The following KCNB2 variants were observed in gnomAD, a reference collection of about 807,000 sequenced individuals.
KCNB2 encodes delayed rectifier potassium channel protein.
In KCNB2, 15 loss-of-function variants were observed where a neutral mutation model predicts 61.5. The observed-to-expected ratio is 0.24, with a 90% CI of 0.16 to 0.38. KCNB2 has a LOEUF of 0.38. KCNB2 is among the 10% of genes least tolerant of loss of function. KCNB2 has a pLI of 1.00. For synonymous variants in KCNB2, 457 were observed against 446.0 expected, an observed-to-expected ratio of 1.02 and a Z score of -0.31; for missense variants, 828 against 1,125.2, an observed-to-expected ratio of 0.74 and a Z score of 3.78.
At chr8:72,896,426 T>C (rs954914063) in intron 2 of KCNB2, among the ~76,000 whole-genome samples, 4 of 152,148 alleles carry the variant, frequency 2.6e-5, no homozygotes, top group Admixed American at 2.6e-4. Flanking sequence ...CTAAATGATA[T>C]TTCATGAATT....
intron 2 of KCNB2, among the ~76,000 whole-genome samples, chr8:72,821,600 C>G (rs942938533): frequency 6.1e-5 from 8 of 131,374 alleles, no homozygotes; most frequent in African/African-American, 2.3e-4. Flanking sequence ...TTCTGGTATA[C>G]TCATTCAAAG....
chr8:72,674,446 A>G (rs2245973), intron 2 of KCNB2, among the ~76,000 whole-genome samples: 41,271 of 152,182 alleles, frequency 0.27, 10,015 homozygotes, highest in African/African-American at 0.65. Flanking sequence ...GGCATTTCCC[A>G]TTTGCAGCTT....
intron 2 of KCNB2, among the ~76,000 whole-genome samples, chr8:72,649,729 C>G (rs931989429): frequency 1.3e-5 from 2 of 152,180 alleles, no homozygotes; most frequent in African/African-American, 2.4e-5. Flanking sequence ...CTGTCATAGA[C>G]TAGCTCCCTT....
chr8:72,542,941 A>G (rs1806210471), intron 1 of KCNB2, among the ~76,000 whole-genome samples: 1 of 152,356 alleles, frequency 6.6e-6, no homozygotes, highest in Admixed American at 6.5e-5. Context: ...TTGTAGAGAA[A>G]TAAATCACAA....
chr8:72,754,958 C>T (rs1808263483), intron 2 of KCNB2, among the ~76,000 whole-genome samples: 1 of 152,084 alleles, frequency 6.6e-6, no homozygotes, highest in Non-Finnish European at 1.5e-5. Context: ...AATGGAGAAG[C>T]CTGACACACA....
At chr8:72,915,576 T>G (rs564534399) in intron 2 of KCNB2, among the ~76,000 whole-genome samples, 34 of 152,182 alleles carry the variant, frequency 2.2e-4, no homozygotes, top group African/African-American at 7.7e-4. Context: ...GGGGAAAACT[T>G]TAATTTCCAA....
chr8:72,668,686 C>A (rs183160504), intron 2 of KCNB2, among the ~76,000 whole-genome samples: 8 of 152,230 alleles, frequency 5.3e-5, no homozygotes, highest in Admixed American at 2.0e-4. Flanking sequence ...GGTCCATTCC[C>A]TTTATTATTT....
intron 2 of KCNB2, among the ~76,000 whole-genome samples, chr8:72,712,662 AG>A (rs1807344429): frequency 6.6e-6 from 1 of 152,240 alleles, no homozygotes; most frequent in African/African-American, 2.4e-5. Flanking sequence ...TAAATCTTTA[AG>A]GTGAGTATTG....
intron 2 of KCNB2, among the ~76,000 whole-genome samples, chr8:72,919,562 A>T (rs1184221015): frequency 1.3e-5 from 2 of 152,202 alleles, no homozygotes; most frequent in African/African-American, 4.8e-5. Flanking sequence ...TCCCCTTTGC[A>T]GCTGATGAAT....
intron 2 of KCNB2, among the ~76,000 whole-genome samples, chr8:72,892,420 A>G (rs939008287): frequency 1.3e-5 from 2 of 152,188 alleles, no homozygotes; most frequent in Non-Finnish European, 2.9e-5. Context: ...AAATTAAAAC[A>G]TCTAAGCCTA....
At chr8:72,852,545 T>C (rs1312881921) in intron 2 of KCNB2, among the ~76,000 whole-genome samples, 1 of 152,228 alleles carries the variant, frequency 6.6e-6, no homozygotes, top group Non-Finnish European at 1.5e-5. Flanking sequence ...GAATATATTA[T>C]TAAATATTTA....
chr8:72,808,562 T>A (rs981922486), intron 2 of KCNB2, among the ~76,000 whole-genome samples: 1 of 152,216 alleles, frequency 6.6e-6, no homozygotes, highest in Non-Finnish European at 1.5e-5. Flanking sequence ...AGAATCCATA[T>A]CCTTCATTTA....
intron 2 of KCNB2, among the ~76,000 whole-genome samples, chr8:72,677,881 A>G (rs1435285461): frequency 2.6e-5 from 4 of 152,312 alleles, no homozygotes; most frequent in East Asian, 1.9e-4. Context: ...AAATTAAAAC[A>G]TCCAGTCCTC....
At chr8:72,706,719 T>C (rs1807231554) in intron 2 of KCNB2, among the ~76,000 whole-genome samples, 1 of 152,250 alleles carries the variant, frequency 6.6e-6, no homozygotes, top group Admixed American at 6.5e-5. Flanking sequence ...ATAATTTTTG[T>C]GTACTATAAA....
intron 2 of KCNB2, among the ~76,000 whole-genome samples, chr8:72,870,538 G>A (rs1434237944): frequency 2.0e-5 from 3 of 152,124 alleles, no homozygotes; most frequent in Non-Finnish European, 4.4e-5. Flanking sequence ...CATCTGAAAG[G>A]AAACAGTGTG....
intron 2 of KCNB2, among the ~76,000 whole-genome samples, chr8:72,570,848 G>T (rs1300652230): frequency 6.6e-6 from 1 of 152,112 alleles, no homozygotes. Context: ...TGCCTTTCCA[G>T]TTTTTGCTTA....
At chr8:72,669,758 T>C (rs1264565349) in intron 2 of KCNB2, among the ~76,000 whole-genome samples, 1 of 152,200 alleles carries the variant, frequency 6.6e-6, no homozygotes, top group African/African-American at 2.4e-5. Context: ...CATTCAAGGA[T>C]CTAGAGAATT....
chr8:72,714,433 G>A (rs754390876), intron 2 of KCNB2, among the ~76,000 whole-genome samples: 49 of 152,140 alleles, frequency 3.2e-4, no homozygotes, highest in Non-Finnish European at 6.2e-4. Context: ...ACCCACAAAG[G>A]GAAGCCCATC....
chr8:72,588,569 CA>C (rs1165274560), intron 2 of KCNB2, among the ~76,000 whole-genome samples: 1 of 151,988 alleles, frequency 6.6e-6, no homozygotes, highest in Non-Finnish European at 1.5e-5. Context: ...TCCCATTTTA[CA>C]GGTGAGGGAA....
Sources: gnomAD v4.1 joint callset for allele counts (sites outside exome capture counted in the v4.1 genomes callset) on GRCh38, gnomAD v4.1.1 for gene constraint, MANE v1.5 for transcripts, NCBI Gene and HGNC (gene_info 2026-07-23, HGNC 2026-07-21) for gene names.